CACNA2D4: variants seen among roughly 807,000 people sequenced by gnomAD.
CACNA2D4 encodes calcium voltage-gated channel auxiliary subunit alpha2delta 4.
A neutral mutation model predicts 163.8 loss-of-function variants in CACNA2D4; 157 were observed. The ratio of observed to expected loss-of-function variants is 0.96; its 90% CI spans 0.84 to 1.09. CACNA2D4 has a LOEUF of 1.09. Among genes scored for constraint, CACNA2D4 ranks in the 50% least tolerant of loss-of-function variants. The probability of loss-of-function intolerance (pLI) is 0.00; values close to 1 mark genes in which losing one functional copy is unlikely to be tolerated. For missense variants in CACNA2D4, 1,410 were observed against 1,479.9 expected (o/e 0.95, Z 0.78); for synonymous variants, 598 against 586.9 (o/e 1.02, Z -0.27).
At chr12:1,853,551 G>C (rs1295131879) in intron 23 of CACNA2D4, among the ~76,000 whole-genome samples, 1 of 151,996 alleles carries the variant, frequency 6.6e-6, no homozygotes, top group Non-Finnish European at 1.5e-5. Context: ...ACACTCACAT[G>C]CCACTCATCT....
chr12:1,857,889 T>C (rs1865434564), intron 20 of CACNA2D4, among the ~76,000 whole-genome samples: 1 of 152,208 alleles, frequency 6.6e-6, no homozygotes, highest in Non-Finnish European at 1.5e-5. Flanking sequence ...GGATAGGCCC[T>C]GATCCCATAT....
intron 25 of CACNA2D4, among the ~76,000 whole-genome samples, chr12:1,842,683 G>A (rs558297862): frequency 5.4e-5 from 8 of 149,466 alleles, no homozygotes; most frequent in East Asian, 2.0e-4. Flanking sequence ...TGGTGAATGC[G>A]GGCAGGAGGG....
chr12:1,826,130 TG>T (rs1350238350), intron 26 of CACNA2D4, among the ~76,000 whole-genome samples: 2 of 152,080 alleles, frequency 1.3e-5, no homozygotes, highest in African/African-American at 4.8e-5. Context: ...ACAATAGACC[TG>T]CTGCTGACAC....
chr12:1,852,998 C>T (rs116285254), intron 23 of CACNA2D4, among the ~76,000 whole-genome samples: 2,196 of 152,224 alleles, frequency 0.014, 70 homozygotes, highest in African/African-American at 0.048. Flanking sequence ...CAGTGCCTGG[C>T]CCACTAGATT....
At chr12:1,804,899 GGC>G (rs1863478579) in intron 29 of CACNA2D4, among the ~76,000 whole-genome samples, 1 of 152,158 alleles carries the variant, frequency 6.6e-6, no homozygotes, top group Admixed American at 6.5e-5. Context: ...CTTCTCTTCT[GGC>G]AGCAGAACAC....
chr12:1,906,426 A>G (rs1866660103), intron 6 of CACNA2D4, among the ~76,000 whole-genome samples: 1 of 152,272 alleles, frequency 6.6e-6, no homozygotes, highest in South Asian at 2.1e-4. Flanking sequence ...ATATCTGATA[A>G]GGGATCAATA....
chr12:1,837,253 G>C (rs757314825), intron 26 of CACNA2D4, among the ~76,000 whole-genome samples: 6 of 152,228 alleles, frequency 3.9e-5, no homozygotes, highest in Non-Finnish European at 8.8e-5. Flanking sequence ...CAGTTGGAGG[G>C]GCCTCGGCTG....
At chr12:1,826,670 AG>A (rs1864343069) in intron 26 of CACNA2D4, among the ~76,000 whole-genome samples, 1 of 151,540 alleles carries the variant, frequency 6.6e-6, no homozygotes, top group African/African-American at 2.4e-5. Context: ...GACAGCCGAG[AG>A]GGCGGCACTC....
At position 1,810,304 on chromosome 12, in the gene CACNA2D4, T is replaced by A; in HGVS notation, c.2695A>T (p.Ile899Phe). The A allele has an allele frequency of 6.2e-7, 1 of 1,613,966 alleles. No individual in the cohort carries two copies. Among genetic ancestry groups the A allele is most frequent in the Non-Finnish European group, 8.5e-7 (1 of 1,179,842 alleles). ...TCTCGGGACCTCTTGGAGATCAGAATGAACCCGTTGTTGTCGATGACGAAG... is the reference window on the plus strand; with the variant it reads ...TCTCGGGACCTCTTGGAGATCAGAAAGAACCCGTTGTTGTCGATGACGAAG... ...DCFVIDNNGFILISKRSRETG... is the reference protein window; with the variant it reads ...DCFVIDNNGFFLISKRSRETG... Residue 899 changes from isoleucine to phenylalanine, a missense_variant, in exon 29 of 38, where the codon ATT becomes TTT. Transcript: ENST00000382722.
Position 1,917,313 on chromosome 12 carries a change from T to C in CACNA2D4, c.227+934A>G, listed in dbSNP as rs991718851. On this transcript the variant is annotated intron_variant, in intron 1 of 37. Transcript: ENST00000382722. This position sits in a 1 kb window ranked among gnomAD's most constrained non-coding sequence, Gnocchi z 4.3. ...GCCAGGCAGGGAACAAGGAGAGCTATGCGGCTCGATGGGAAACGATGCTGC... is the reference window on the plus strand; with the variant it reads ...GCCAGGCAGGGAACAAGGAGAGCTACGCGGCTCGATGGGAAACGATGCTGC... Among the ~76,000 whole-genome samples the C allele has an allele frequency of 2.0e-4, 30 of 152,300 alleles. No individual in the cohort carries two copies. The highest frequency in any genetic ancestry group is 3.4e-3 in the Middle Eastern group (1 of 294).
At position 1,918,568 on chromosome 12, in the gene CACNA2D4, G is replaced by A. The variant is rs1592758823; in HGVS notation, c.-95C>T. 7 of 932,370 alleles carry A rather than the reference G, an allele frequency of 7.5e-6. No individual in the cohort carries two copies. In the East Asian group the frequency reaches 1.9e-4, roughly 25 times the overall value. The allele number at this position is 932,370 out of a possible 1,614,324, so 57.8% of individuals were successfully genotyped here. Reference sequence around the variant, plus strand: ...TGGGGTCTCCAGCCTCTCAGTCCTGGGTGGGGAGGGCTTCTCTCTGCCCCA... The same window carrying A: ...TGGGGTCTCCAGCCTCTCAGTCCTGAGTGGGGAGGGCTTCTCTCTGCCCCA... On this transcript the variant is annotated 5_prime_UTR_variant, in exon 1 of 38. Coordinates refer to ENST00000382722, the MANE Select transcript of CACNA2D4 (RefSeq NM_172364.5).
At chr12:1,846,535 G>A in intron 24 of CACNA2D4, 59 bp downstream of exon 24, 1 of 1,377,040 alleles carries the variant, frequency 7.3e-7, no homozygotes, top group Non-Finnish European at 1.0e-6. Flanking sequence ...CACACCATGG[G>A]ACTCTGGCCC....
chr12:1,915,612 C>T (rs80282706), intron 1 of CACNA2D4, among the ~76,000 whole-genome samples: 1 of 152,370 alleles, frequency 6.6e-6, no homozygotes, highest in African/African-American at 2.4e-5. Context: ...CTCTGAGCTG[C>T]CACTGCTGAG....
At position 1,833,100 on chromosome 12, in the gene CACNA2D4, G is replaced by A. The variant is rs191895644; in HGVS notation, c.2551+7639C>T. ...TTCCCAGCACAAAAATGCATGCCATGAGAATGTGCAGTTTTCAGACTTTTT... is the reference window on the plus strand; with the variant it reads ...TTCCCAGCACAAAAATGCATGCCATAAGAATGTGCAGTTTTCAGACTTTTT... On this transcript the variant is annotated intron_variant, in intron 26 of 37. Transcript: ENST00000382722. This position sits in a 1 kb window ranked among gnomAD's most constrained non-coding sequence, Gnocchi z 4.2. 6.2e-4 allele frequency among the ~76,000 whole-genome samples: 94 copies of A among 152,372 alleles called. No homozygotes were observed. The highest frequency in any genetic ancestry group is 3.4e-3 in the Middle Eastern group (1 of 294).
chr12:1,863,179 A>G (rs1030368452), intron 18 of CACNA2D4, among the ~76,000 whole-genome samples: 8 of 152,204 alleles, frequency 5.3e-5, no homozygotes, highest in African/African-American at 1.7e-4. Flanking sequence ...CATCTGTTGA[A>G]AAGATTGCCT....
intron 4 of CACNA2D4, among the ~76,000 whole-genome samples, chr12:1,908,432 C>A (rs1460331828): frequency 6.6e-6 from 1 of 152,202 alleles, no homozygotes; most frequent in Non-Finnish European, 1.5e-5. Flanking sequence ...CAGAACCGAG[C>A]CTGCGCAATC....
chr12:1,797,370 G>A, intron 35 of CACNA2D4, 48 bp downstream of exon 35: 1 of 1,368,620 alleles, frequency 7.3e-7, no homozygotes, highest in South Asian at 1.2e-5. Context: ...GCCTTGCCGA[G>A]GGCGGGAGGA....
chr12:1,871,660 GTGC>G (rs1360171152), intron 18 of CACNA2D4, among the ~76,000 whole-genome samples: 5 of 152,038 alleles, frequency 3.3e-5, no homozygotes, highest in Non-Finnish European at 4.4e-5. Flanking sequence ...GTACACGTGT[GTGC>G]TGCTGGTATG....
intron 26 of CACNA2D4, chr12:1,823,423 T>G (rs1353379674): frequency 7.1e-6 from 1 of 141,382 alleles, no homozygotes; most frequent in African/African-American, 2.9e-5. Flanking sequence ...TGCGTGCGGC[T>G]GTTCCGTGCT....
Sources: allele counts gnomAD v4.1 joint callset (sites outside exome capture counted in the v4.1 genomes callset), GRCh38; gene constraint gnomAD v4.1.1; non-coding constraint Gnocchi (gnomAD v3.1); transcripts MANE v1.5; gene names NCBI Gene and HGNC (gene_info 2026-07-23, HGNC 2026-07-21).